The following RAPGEF2 variants were observed in gnomAD, a reference collection of about 807,000 sequenced individuals.
RAPGEF2 encodes the protein Rap guanine nucleotide exchange factor 2.
Under a neutral mutation model 186.7 loss-of-function variants are expected in RAPGEF2, and 54 were observed. The observed-to-expected ratio is 0.29, with a 90% confidence interval of 0.23 to 0.36. The LOEUF (loss-of-function observed/expected upper bound fraction) is 0.36, where lower values mean the gene tolerates loss of function less well. Ranked by LOEUF, RAPGEF2 falls within the 10% of genes least tolerant of loss-of-function variation. The pLI is 1.00. For synonymous variants in RAPGEF2, 712 were observed against 705.9 expected, an observed-to-expected ratio of 1.01 and a Z score of -0.14; for missense variants, 1,532 against 2,045.0, an observed-to-expected ratio of 0.75 and a Z score of 4.84.
intron 5 of RAPGEF2, among the ~76,000 whole-genome samples, chr4:159,240,667 A>C (rs967995615): frequency 6.6e-6 from 1 of 152,120 alleles, no homozygotes; most frequent in African/African-American, 2.4e-5. Flanking sequence ...ACTTTTAAAC[A>C]ACACTATTTA....
chr4:159,151,449 A>G (rs1369101698), intron 1 of RAPGEF2, among the ~76,000 whole-genome samples: 1 of 152,196 alleles, frequency 6.6e-6, no homozygotes, highest in African/African-American at 2.4e-5. Flanking sequence ...GAGATTGTCA[A>G]GTTGATTTTA....
chr4:159,175,075 A>G (rs1375217245), intron 1 of RAPGEF2, among the ~76,000 whole-genome samples: 1 of 152,162 alleles, frequency 6.6e-6, no homozygotes, highest in Non-Finnish European at 1.5e-5. Flanking sequence ...CATGTGTCTT[A>G]TAATGTTTAG....
At chr4:159,256,264 C>T (rs918986766) in intron 7 of RAPGEF2, among the ~76,000 whole-genome samples, 8 of 152,080 alleles carry the variant, frequency 5.3e-5, no homozygotes, top group African/African-American at 1.7e-4. Flanking sequence ...TTGTTCCCCT[C>T]CCTGTGTTCC....
chr4:159,166,292 C>T (rs1745310518), intron 1 of RAPGEF2, among the ~76,000 whole-genome samples: 1 of 151,610 alleles, frequency 6.6e-6, no homozygotes, highest in South Asian at 2.1e-4. Context: ...CTAGCCTGGG[C>T]AACAGAGCAA....
At position 159,355,879 on chromosome 4, in the gene RAPGEF2, C is replaced by CG; in HGVS notation, c.4678_4679insG (p.Pro1560ArgfsTer15). 1.2e-5 allele frequency: 18 copies of CG among 1,525,628 alleles called. No individual in the cohort carries two copies. Among genetic ancestry groups the CG allele is most frequent in the East Asian group, 2.5e-5 (1 of 40,444 alleles). 94.5% of individuals were successfully genotyped at this position (1,525,628 alleles called of 1,614,324 possible). ...ACGAAAGGAGGGCAGGTATCGAGAG[C>CG]CCCCGCCCACCCCTCCCGGCTACAT... On this transcript the variant is annotated frameshift_variant, in exon 29 of 30. Transcript: ENST00000691494. LOFTEE classifies it high-confidence loss of function.
At position 159,178,550 on chromosome 4, in the gene RAPGEF2, G is replaced by GC. The variant is rs1425615485; in HGVS notation, c.70-8091dup. ...CTTCTTTCCCATTAGCATGTATTAT[G>GC]CTTTTTTTTTTTTTTTTTTTTTTTT... On this transcript the variant is annotated intron_variant, in intron 1 of 29. Transcript: ENST00000691494. Among the ~76,000 whole-genome samples, 291 of 94,544 alleles carry GC rather than the reference G, an allele frequency of 3.1e-3. 1 individual carries two copies. Among genetic ancestry groups the GC allele is most frequent in the African/African-American group, 0.014 (273 of 19,542 alleles). 62.0% of individuals were successfully genotyped at this position (94,544 alleles called of 152,430 possible).
At chr4:159,340,756 AACAAAAAAT>A (rs1729336257) in intron 19 of RAPGEF2, among the ~76,000 whole-genome samples, 1 of 134,704 alleles carries the variant, frequency 7.4e-6, no homozygotes, top group African/African-American at 2.8e-5. Context: ...ACAAAAACAA[AACAAAAAAT>A]ACCACCACCA....
chr4:159,106,287 T>C (rs1737874323), intron 1 of RAPGEF2, among the ~76,000 whole-genome samples: 1 of 152,236 alleles, frequency 6.6e-6, no homozygotes, highest in Admixed American at 6.5e-5. Context: ...GTTCGTTTGG[T>C]TATTACTACA....
intron 1 of RAPGEF2, among the ~76,000 whole-genome samples, chr4:159,133,053 A>G (rs1741282771): frequency 6.6e-6 from 1 of 152,136 alleles, no homozygotes; most frequent in South Asian, 2.1e-4. Flanking sequence ...ACAGATCCAT[A>G]AAAACATATT....
intron 1 of RAPGEF2, among the ~76,000 whole-genome samples, chr4:159,113,606 G>T (rs552115386): frequency 6.6e-6 from 1 of 152,078 alleles, no homozygotes; most frequent in African/African-American, 2.4e-5. Flanking sequence ...GCCAGGAGTG[G>T]TGGCGCATGC....
chr4:159,128,852 A>C (rs1176535022), intron 1 of RAPGEF2: 5 of 146,558 alleles, frequency 3.4e-5, no homozygotes, highest in Admixed American at 3.3e-4. Context: ...ACAGACATAC[A>C]TACATACATA....
chr4:159,330,190 TC>T (rs1210835938), intron 12 of RAPGEF2, 143 bp from the exon 13 acceptor site: 16 of 804,748 alleles, frequency 2.0e-5, no homozygotes, highest in Non-Finnish European at 2.7e-5. Context: ...TGTGTTACTA[TC>T]CAATTCATTT....
At chr4:159,138,616 G>C (rs1044060759) in intron 1 of RAPGEF2, among the ~76,000 whole-genome samples, 1 of 152,084 alleles carries the variant, frequency 6.6e-6, no homozygotes, top group East Asian at 1.9e-4. Flanking sequence ...CATTTGGGAA[G>C]TACAAAGATC....
chr4:159,178,377 T>G (rs1746660669), intron 1 of RAPGEF2, among the ~76,000 whole-genome samples: 1 of 152,008 alleles, frequency 6.6e-6, no homozygotes, highest in Admixed American at 6.5e-5. Flanking sequence ...TACTGTACAT[T>G]GTTAGTGAGA....
chr4:159,203,090 G>A (rs984923324), intron 3 of RAPGEF2, among the ~76,000 whole-genome samples: 2 of 152,114 alleles, frequency 1.3e-5, no homozygotes, highest in African/African-American at 2.4e-5. Flanking sequence ...CAACTTGATC[G>A]CTTGCATTTA....
In RAPGEF2 at chr4:159,298,481, A is replaced by G. The variant is rs574633000; in HGVS notation, c.544-5861A>G. ...GAAATAAAAGATGATCAGATTATAA[A>G]CTGGTCTTTAAAATGAGCTACTAAA... On this transcript the variant is annotated intron_variant, in intron 7 of 29. Coordinates refer to ENST00000691494, the MANE Select transcript of RAPGEF2 (RefSeq NM_001394067.2). Among the ~76,000 whole-genome samples the G allele has an allele frequency of 3.2e-3, 488 of 152,298 alleles. 1 individual carries two copies. Among genetic ancestry groups the G allele is most frequent in the Middle Eastern group, 6.8e-3 (2 of 294 alleles).
intron 3 of RAPGEF2, among the ~76,000 whole-genome samples, chr4:159,200,382 C>G (rs1376282991): frequency 6.6e-6 from 1 of 152,122 alleles, no homozygotes; most frequent in Non-Finnish European, 1.5e-5. Context: ...GTGGGAAGGT[C>G]ACTTGAGCCT....
At chr4:159,277,587 G>C (rs1331060338) in intron 7 of RAPGEF2, among the ~76,000 whole-genome samples, 1 of 152,132 alleles carries the variant, frequency 6.6e-6, no homozygotes, top group Non-Finnish European at 1.5e-5. Flanking sequence ...TCCAGCACCT[G>C]TTGTTTCCTG....
chr4:159,129,380 G>A (rs1224692543), intron 1 of RAPGEF2, among the ~76,000 whole-genome samples: 1 of 152,118 alleles, frequency 6.6e-6, no homozygotes, highest in South Asian at 2.1e-4. Flanking sequence ...TACAGTTATG[G>A]TGTCAGTTCT....
Sources: gnomAD v4.1 joint callset for allele counts (sites outside exome capture counted in the v4.1 genomes callset) on GRCh38, gnomAD v4.1.1 for gene constraint, MANE v1.5 for transcripts, NCBI Gene and HGNC (gene_info 2026-07-23, HGNC 2026-07-21) for gene names.